Variants in SLC7A7 observed in about 807,000 individuals in gnomAD.
SLC7A7 encodes Y+L amino acid transporter 1.
A neutral mutation model predicts 47.9 loss-of-function variants in SLC7A7; 39 were observed. The observed-to-expected ratio is 0.81, with a 90% confidence interval of 0.63 to 1.06. The LOEUF (loss-of-function observed/expected upper bound fraction) is 1.06. Among genes scored for constraint, SLC7A7 ranks in the 50% least tolerant of loss-of-function variants. The probability of loss-of-function intolerance (pLI) is 0.00; values close to 1 mark genes in which losing one functional copy is unlikely to be tolerated. For missense variants in SLC7A7, 588 were observed against 632.0 expected (o/e 0.93, Z 0.75); for synonymous variants, 234 against 242.8 (o/e 0.96, Z 0.34).
chr14:22,784,693 T>C (rs923535809), intron 2 of SLC7A7, among the ~76,000 whole-genome samples: 1 of 151,664 alleles, frequency 6.6e-6, no homozygotes, highest in Non-Finnish European at 1.5e-5. Context: ...CCAGCCTACA[T>C]ACGGTCCCCG....
At chr14:22,816,074 T>G (rs2039403466), upstream of SLC7A7, 1 of 183,314 alleles carries the variant, frequency 5.5e-6, no homozygotes, top group African/African-American at 2.3e-5. Flanking sequence ...AATATCTGAC[T>G]GCATCCCCAC....
intron 2 of SLC7A7, among the ~76,000 whole-genome samples, chr14:22,801,645 G>T (rs1335728984): frequency 2.6e-5 from 4 of 152,130 alleles, no homozygotes; most frequent in Admixed American, 2.6e-4. Context: ...GAGCATGGTG[G>T]TGCATGCCTG....
At chr14:22,784,828 C>T (rs570268820) in intron 2 of SLC7A7, among the ~76,000 whole-genome samples, 93 of 152,308 alleles carry the variant, frequency 6.1e-4, no homozygotes, top group Non-Finnish European at 1.0e-3. Flanking sequence ...ATCAGATGCT[C>T]AGGTTTAGTT....
rs1482084907 is a variant in SLC7A7 at position 22,788,486 on chromosome 14, C to CCT, written c.500-8436_500-8435insAG. The stretch of plus-strand genomic sequence containing the variant: ...TTGGGAGGCCAAGGCGGGCAGATCA[C>CCT]AAAGTCAGGAGTTTGAGATCAGCCT... On this transcript the variant is annotated intron_variant, in intron 2 of 9. Transcript: ENST00000674313. Among the ~76,000 whole-genome samples, 3 of 152,172 alleles carry CCT rather than the reference C, an allele frequency of 2.0e-5. No homozygotes were observed. In the East Asian group the frequency reaches 5.8e-4, roughly 29 times the overall value.
intron 2 of SLC7A7, among the ~76,000 whole-genome samples, chr14:22,802,558 C>T (rs890334535): frequency 1.3e-5 from 2 of 152,204 alleles, no homozygotes; most frequent in Non-Finnish European, 2.9e-5. Context: ...ACTTCCCTCT[C>T]CCTTATACTT....
At chr14:22,783,593 G>T (rs1409243853) in intron 2 of SLC7A7, among the ~76,000 whole-genome samples, 2 of 151,748 alleles carry the variant, frequency 1.3e-5, no homozygotes, top group African/African-American at 4.8e-5. Context: ...TAGAGACAGG[G>T]TTTCGCCATG....
chr14:22,791,320 A>G (rs1333422113), intron 2 of SLC7A7, among the ~76,000 whole-genome samples: 2 of 152,182 alleles, frequency 1.3e-5, no homozygotes, highest in Non-Finnish European at 2.9e-5. Flanking sequence ...ATTTACGGTT[A>G]GGAACTCTGT....
intron 2 of SLC7A7, among the ~76,000 whole-genome samples, chr14:22,799,430 CTTTTT>C (rs1173432138): frequency 1.2e-4 from 13 of 112,604 alleles, no homozygotes; most frequent in African/African-American, 4.0e-4. Flanking sequence ...GTTTCTTTTT[CTTTTT>C]ATTTTTTTCT....
At chr14:22,817,904 A>G (rs1462230478), upstream of SLC7A7, among the ~76,000 whole-genome samples, 3 of 152,130 alleles carry the variant, frequency 2.0e-5, no homozygotes, top group Non-Finnish European at 4.4e-5. Context: ...GGCTCCAACA[A>G]AGTTTGTTAA....
chr14:22,781,537 C>T (rs913938716), intron 2 of SLC7A7, among the ~76,000 whole-genome samples: 2 of 152,136 alleles, frequency 1.3e-5, no homozygotes, highest in Non-Finnish European at 2.9e-5. Context: ...CAAAAATGTA[C>T]CCACAGCTCC....
intron 3 of SLC7A7, 29 bp from the exon 4 acceptor site, chr14:22,778,966 G>T (rs2038667375): frequency 6.2e-7 from 1 of 1,612,660 alleles, no homozygotes; most frequent in Non-Finnish European, 8.5e-7. Context: ...GGAAGGCAGG[G>T]GATTAGTGGC....
At chr14:22,784,802 T>C (rs1360074818) in intron 2 of SLC7A7, among the ~76,000 whole-genome samples, 2 of 152,082 alleles carry the variant, frequency 1.3e-5, no homozygotes, top group Non-Finnish European at 2.9e-5. Flanking sequence ...GAACAAAGCT[T>C]GCAGGCCCAC....
intron 2 of SLC7A7, among the ~76,000 whole-genome samples, chr14:22,795,410 CTT>C (rs1388205588): frequency 4.5e-5 from 5 of 110,998 alleles, no homozygotes; most frequent in East Asian, 4.6e-4. Context: ...TTCTTTCTTT[CTT>C]TCTTTCTTTC....
rs564753871 is a variant in SLC7A7, at chr14:22,815,362, C to T, written c.-85G>A. The T allele has an allele frequency of 9.2e-5, 42 of 454,362 alleles. No individual in the cohort carries two copies. Among genetic ancestry groups the T allele is most frequent in the South Asian group, 1.7e-4 (11 of 64,480 alleles). The allele number at this position is 454,362 out of a possible 1,614,324, so 28.1% of individuals were successfully genotyped here. A position where few individuals can be genotyped will look rare whatever the true frequency, so the allele number is the denominator to read the frequency against. ...AAGCAGGTTCTCACGGCAGTGTGAGCAGCAGTCAGGGAGAGAAGTGCCTTC... is the reference window on the plus strand; with the variant it reads ...AAGCAGGTTCTCACGGCAGTGTGAGTAGCAGTCAGGGAGAGAAGTGCCTTC... On this transcript the variant is annotated 5_prime_UTR_variant, in exon 1 of 10. Transcript: ENST00000674313.
chr14:22,788,982 A>C (rs1202394950), intron 2 of SLC7A7, among the ~76,000 whole-genome samples: 2 of 152,176 alleles, frequency 1.3e-5, no homozygotes, highest in African/African-American at 2.4e-5. Flanking sequence ...TAAACTTATG[A>C]GATTGCACTG....
chr14:22,774,479 A>C lies in SLC7A7; in HGVS notation c.1120T>G (p.Cys374Gly). 2.5e-6 allele frequency: 4 copies of C among 1,614,164 alleles called. No homozygotes were observed. Among genetic ancestry groups the C allele is most frequent in the Middle Eastern group, 3.3e-4 (2 of 6,062 alleles). Residue 374 changes from cysteine to glycine, a missense_variant, in exon 8 of 10, where the codon TGC (cysteine) becomes GGC (glycine). Transcript: ENST00000674313. The part of the protein sequence containing the change: ...FNGIMALIYL[C>G]VEDIFQLINY... Reference sequence around the variant, plus strand: ...ATGAGCTGGAAGATGTCTTCCACGCACAAGTAGATCAATGCCATGATACCC... The same window carrying C: ...ATGAGCTGGAAGATGTCTTCCACGCCCAAGTAGATCAATGCCATGATACCC...
At chr14:22,816,478 G>A (rs1951566), upstream of SLC7A7, 75,574 of 150,666 alleles carry the variant, frequency 0.5, 19,008 homozygotes, top group South Asian at 0.61. Flanking sequence ...CTGCACTCCA[G>A]CCTGGGCAAC....
intron 1 of SLC7A7, among the ~76,000 whole-genome samples, chr14:22,813,879 C>T (rs1303766674): frequency 2.0e-5 from 3 of 151,190 alleles, no homozygotes; most frequent in African/African-American, 7.3e-5. Flanking sequence ...CAACCTCCGC[C>T]TCCCGGGTTC....
At chr14:22,800,301 G>A (rs371345831) in intron 2 of SLC7A7, among the ~76,000 whole-genome samples, 2 of 152,270 alleles carry the variant, frequency 1.3e-5, no homozygotes, top group East Asian at 3.9e-4. Context: ...GCAATAGATT[G>A]GAGTTTTCCA....
Sources: allele counts gnomAD v4.1 joint callset (sites outside exome capture counted in the v4.1 genomes callset), GRCh38; gene constraint gnomAD v4.1.1; transcripts MANE v1.5; gene names NCBI Gene and HGNC (gene_info 2026-07-23, HGNC 2026-07-21).